The following DPYD variants were observed in gnomAD, a reference collection of about 807,000 sequenced individuals.
The protein encoded by DPYD is dihydropyrimidine dehydrogenase, also known as dihydropyrimidine dehydrogenase [NADP(+)].
In DPYD, 109 loss-of-function variants were observed where a neutral mutation model predicts 116.2. The observed-to-expected ratio is 0.94, with a 90% confidence interval of 0.80 to 1.10. DPYD has a LOEUF of 1.10. Among genes scored for constraint, DPYD ranks in the 50% least tolerant of loss-of-function variants. The pLI, the probability that DPYD is intolerant of heterozygous loss-of-function variation, is 0.00. For synonymous variants in DPYD, 440 were observed against 432.0 expected, an observed-to-expected ratio of 1.02 and a Z score of -0.23; for missense variants, 1,302 against 1,254.5, an observed-to-expected ratio of 1.04 and a Z score of -0.57.
intron 10 of DPYD, among the ~76,000 whole-genome samples, chr1:97,576,164 T>C (rs10875098): frequency 0.77 from 117,670 of 152,120 alleles, 46,854 homozygotes; most frequent in East Asian, 0.96. Context: ...GCTTTTGTCA[T>C]ATTTGTGCCA....
intron 12 of DPYD, among the ~76,000 whole-genome samples, chr1:97,525,990 TG>T (rs1649057015): frequency 6.6e-6 from 1 of 151,290 alleles, no homozygotes; most frequent in Non-Finnish European, 1.5e-5. Flanking sequence ...TGTGTGTGTG[TG>T]TGTGTGTGTG....
At chr1:97,241,579 T>C (rs1188521406) in intron 18 of DPYD, among the ~76,000 whole-genome samples, 1 of 151,976 alleles carries the variant, frequency 6.6e-6, no homozygotes, top group East Asian at 1.9e-4. Context: ...AAAAGAACCA[T>C]CTCTGGATTA....
intron 14 of DPYD, among the ~76,000 whole-genome samples, chr1:97,407,566 T>G (rs1024555284): frequency 6.6e-6 from 1 of 152,086 alleles, no homozygotes; most frequent in African/African-American, 2.4e-5. Flanking sequence ...ATTAATAGAA[T>G]GGTGGAATGG....
Position 97,814,918 on chromosome 1 carries a change from A to AGAAAGAGG in DPYD, c.233+13195_233+13196insCCTCTTTC, listed in dbSNP as rs1348828257. On this transcript the variant is annotated intron_variant, in intron 3 of 22. Coordinates refer to ENST00000370192, the MANE Select transcript of DPYD (RefSeq NM_000110.4). ...GACCCTGTCTCAAAAAAAAAAAAAA[A>AGAAAGAGG]AAAGAAAGAGAGAGGAAAGAAAGAA... 2.8e-4 allele frequency among the ~76,000 whole-genome samples: 24 copies of AGAAAGAGG among 85,578 alleles called. 1 individual carries two copies. The highest frequency in any genetic ancestry group is 3.1e-4 in the African/African-American group (6 of 19,642). 56.1% of individuals were successfully genotyped at this position (85,578 alleles called of 152,430 possible).
chr1:97,796,283 T>A (rs1011109147), intron 3 of DPYD, among the ~76,000 whole-genome samples: 7 of 152,104 alleles, frequency 4.6e-5, no homozygotes, highest in Non-Finnish European at 1.0e-4. Flanking sequence ...GTTTTCCTTG[T>A]CCTAAGCAAC....
At chr1:97,700,740 G>T (rs1199965495) in intron 5 of DPYD, among the ~76,000 whole-genome samples, 1 of 151,752 alleles carries the variant, frequency 6.6e-6, no homozygotes, top group Non-Finnish European at 1.5e-5. Flanking sequence ...CGTAAGTGTG[G>T]TTATCAAAAA....
At chr1:97,863,418 T>C (rs1461326134) in intron 2 of DPYD, among the ~76,000 whole-genome samples, 1 of 151,946 alleles carries the variant, frequency 6.6e-6, no homozygotes, top group Non-Finnish European at 1.5e-5. Context: ...TCTAGGAAGC[T>C]ATATTAGAGA....
chr1:97,592,080 A>C (rs1012777292), intron 10 of DPYD, among the ~76,000 whole-genome samples: 5 of 152,182 alleles, frequency 3.3e-5, no homozygotes, highest in Non-Finnish European at 7.3e-5. Context: ...ACATATGACA[A>C]ATTACCTATT....
intron 16 of DPYD, among the ~76,000 whole-genome samples, chr1:97,354,616 G>A (rs944369500): frequency 1.3e-5 from 2 of 152,118 alleles, no homozygotes; most frequent in African/African-American, 4.8e-5. Flanking sequence ...CAAAAAATCA[G>A]AACAAGTTAT....
Position 97,502,147 on chromosome 1 carries a change from T to G in DPYD, c.1740+13579A>C, listed in dbSNP as rs868588069. Among the ~76,000 whole-genome samples, 31 of 152,218 alleles carry G rather than the reference T, an allele frequency of 2.0e-4. 1 individual carries two copies. In the Middle Eastern group the frequency reaches 0.014, roughly 67 times the overall value. ...ATGATTTAAAAGTCATAAGATCTTCTGTTAACCAAAAAGAACAGGAGGAAA... is the reference window on the plus strand; with the variant it reads ...ATGATTTAAAAGTCATAAGATCTTCGGTTAACCAAAAAGAACAGGAGGAAA... On this transcript the variant is annotated intron_variant, in intron 13 of 22. Transcript: ENST00000370192.
chr1:97,616,037 C>T (rs907105193), intron 8 of DPYD, among the ~76,000 whole-genome samples: 1 of 152,100 alleles, frequency 6.6e-6, no homozygotes, highest in African/African-American at 2.4e-5. Context: ...CTCCCTACCC[C>T]AAACAGAAAT....
chr1:97,581,522 G>A (rs905261436), intron 10 of DPYD, among the ~76,000 whole-genome samples: 1 of 151,530 alleles, frequency 6.6e-6, no homozygotes, highest in Non-Finnish European at 1.5e-5. Flanking sequence ...TGGGAGAACT[G>A]TTTAAGGCTA....
Position 97,716,380 on chromosome 1 carries a change from C to T in DPYD, c.483+5130G>A, listed in dbSNP as rs192124526. On this transcript the variant is annotated intron_variant, in intron 5 of 22. Coordinates refer to ENST00000370192, the MANE Select transcript of DPYD (RefSeq NM_000110.4). ...CCCCATCATATATAAAAATATAAAA[C>T]TGTAGCAATTAATACATTTTGTGTC... 2.0e-5 allele frequency among the ~76,000 whole-genome samples: 3 copies of T among 151,988 alleles called. No homozygotes were observed. In the East Asian group the frequency reaches 5.8e-4, roughly 29 times the overall value.
intron 14 of DPYD, among the ~76,000 whole-genome samples, chr1:97,385,525 TAA>T (rs34091738): frequency 2.1e-5 from 3 of 140,714 alleles, no homozygotes; most frequent in South Asian, 2.2e-4. Flanking sequence ...ATTTTTTTCT[TAA>T]AAAAAAAAAA....
chr1:97,434,851 A>T (rs1448240500), intron 14 of DPYD, among the ~76,000 whole-genome samples: 1 of 152,032 alleles, frequency 6.6e-6, no homozygotes, highest in Non-Finnish European at 1.5e-5. Flanking sequence ...ATCACTTACT[A>T]TTTAAAAACT....
intron 11 of DPYD, among the ~76,000 whole-genome samples, chr1:97,558,578 A>C (rs1481301506): frequency 1.3e-5 from 2 of 152,180 alleles, no homozygotes; most frequent in African/African-American, 4.8e-5. Context: ...GATAATTTTC[A>C]GTTTGAATAT....
At chr1:97,225,560 G>GT (rs59058167) in intron 19 of DPYD, among the ~76,000 whole-genome samples, 4,915 of 115,626 alleles carry the variant, frequency 0.043, 153 homozygotes, top group African/African-American at 0.1. Flanking sequence ...AAATCAGGTT[G>GT]TTTTTTTTTT....
At chr1:97,453,388 T>C (rs948944374) in intron 13 of DPYD, among the ~76,000 whole-genome samples, 3 of 152,134 alleles carry the variant, frequency 2.0e-5, no homozygotes, top group Non-Finnish European at 2.9e-5. Flanking sequence ...TTGTCTTTTA[T>C]GTTTGTCCTG....
chr1:97,317,818 G>C (rs529780954), intron 16 of DPYD, among the ~76,000 whole-genome samples: 1 of 152,024 alleles, frequency 6.6e-6, no homozygotes, highest in Non-Finnish European at 1.5e-5. Flanking sequence ...ATCCAAGCAA[G>C]AAAGAATTAC....
Sources: allele counts gnomAD v4.1 joint callset (sites outside exome capture counted in the v4.1 genomes callset), GRCh38; gene constraint gnomAD v4.1.1; transcripts MANE v1.5; gene names NCBI Gene and HGNC (gene_info 2026-07-23, HGNC 2026-07-21).